The following BAIAP2 variants were observed in gnomAD, a reference collection of about 807,000 sequenced individuals.
BAIAP2 encodes the protein BAR/IMD domain containing adaptor protein 2, also known as BAR/IMD domain-containing adapter protein 2.
A neutral mutation model predicts 63.0 loss-of-function variants in BAIAP2; 18 were observed. The ratio of observed to expected loss-of-function variants is 0.29; its 90% CI spans 0.20 to 0.42. The LOEUF is 0.42. BAIAP2 is among the 10% of genes least tolerant of loss of function. The pLI, the probability that BAIAP2 is intolerant of heterozygous loss-of-function variation, is 1.00. For missense variants in BAIAP2, 610 were observed against 734.3 expected (o/e 0.83, Z 1.96); for synonymous variants, 386 against 307.6 (o/e 1.25, Z -2.67).
chr17:81,092,778 G>A (rs1012877896), intron 6 of BAIAP2, among the ~76,000 whole-genome samples: 7 of 152,170 alleles, frequency 4.6e-5, no homozygotes, highest in African/African-American at 1.4e-4. Flanking sequence ...GCTGACAGAC[G>A]TGCCCGTCTG....
chr17:81,044,485 G>A (rs557829357), intron 1 of BAIAP2, among the ~76,000 whole-genome samples: 3 of 152,212 alleles, frequency 2.0e-5, no homozygotes, highest in Non-Finnish European at 4.4e-5. Flanking sequence ...ATTAGGGCCC[G>A]CCCTAGTGAC....
Position 81,071,647 on chromosome 17 carries a change from T to C in BAIAP2, c.218-13185T>C, listed in dbSNP as rs1360526430. Among the ~76,000 whole-genome samples the C allele has an allele frequency of 2.0e-5, 3 of 152,232 alleles. No individual in the cohort carries two copies. In the East Asian group the frequency reaches 5.8e-4, roughly 29 times the overall value. ...TGTCCACTGGCCAAAAAGAGCACCC[T>C]GACCACTCGGTAGCAGCGCCCGTCC... On this transcript the variant is annotated intron_variant, in intron 3 of 13. Transcript: ENST00000428708.
chr17:81,105,086 C>T lies in BAIAP2; in HGVS notation c.1268+371C>T, dbSNP rs552324365. ...TCTCCCCCCAATGGCTCGGGTCTCC[C>T]CCCAGCGGCAGGGGTCTCCCCCCAG... On this transcript the variant is annotated intron_variant, in intron 10 of 13. Coordinates refer to ENST00000428708, the MANE Select transcript of BAIAP2 (RefSeq NM_001144888.2). 6.8e-4 allele frequency: 126 copies of T among 185,860 alleles called. 1 individual carries two copies. Among genetic ancestry groups the T allele is most frequent in the African/African-American group, 3.1e-3 (121 of 39,076 alleles). The allele number at this position is 185,860 out of a possible 1,614,324, so 11.5% of individuals were successfully genotyped here. A position where few individuals can be genotyped will look rare whatever the true frequency, so the allele number is the denominator to read the frequency against.
At chr17:81,109,179 C>G in intron 13 of BAIAP2, 1 of 1,415,616 alleles carries the variant, frequency 7.1e-7, no homozygotes, top group South Asian at 1.5e-5. Flanking sequence ...TGGTGCTGCT[C>G]CATCCGCCCC....
Position 81,088,904 on chromosome 17 carries a change from C to T in BAIAP2, c.489+2324C>T, listed in dbSNP as rs1002946970. 3.3e-5 allele frequency among the ~76,000 whole-genome samples: 5 copies of T among 152,234 alleles called. No homozygotes were observed. In the South Asian group the frequency reaches 6.2e-4, roughly 19 times the overall value. ...CTGGGGGCTGTCGGAGCCACTCCCC[C>T]TCCCTCCTGCAGGCTGGAGCCAGAG... On this transcript the variant is annotated intron_variant, in intron 6 of 13. Coordinates refer to ENST00000428708, the MANE Select transcript of BAIAP2 (RefSeq NM_001144888.2).
At chr17:81,080,298 C>T (rs1010251319) in intron 3 of BAIAP2, among the ~76,000 whole-genome samples, 4 of 152,234 alleles carry the variant, frequency 2.6e-5, no homozygotes, top group African/African-American at 9.6e-5. Flanking sequence ...TCCATGCCCA[C>T]GTGGTTTCCT....
intron 3 of BAIAP2, among the ~76,000 whole-genome samples, chr17:81,068,008 G>T (rs944330947): frequency 2.6e-4 from 39 of 152,248 alleles, no homozygotes; most frequent in Admixed American, 8.5e-4. Flanking sequence ...CAGGCCGAGG[G>T]GCCTGGGGGC....
At chr17:81,077,162 G>C (rs1463804638) in intron 3 of BAIAP2, among the ~76,000 whole-genome samples, 1 of 152,230 alleles carries the variant, frequency 6.6e-6, no homozygotes, top group Non-Finnish European at 1.5e-5. Context: ...TGGTGGGCGT[G>C]GGTTTCTCTT....
At chr17:81,095,309 C>T (rs2057439734) in intron 6 of BAIAP2, among the ~76,000 whole-genome samples, 1 of 152,174 alleles carries the variant, frequency 6.6e-6, no homozygotes, top group Admixed American at 6.5e-5. Context: ...CTGCACTTTC[C>T]ACACAGCTCG....
intron 7 of BAIAP2, among the ~76,000 whole-genome samples, chr17:81,102,779 C>G (rs1279382301): frequency 6.6e-6 from 1 of 152,202 alleles, no homozygotes; most frequent in Non-Finnish European, 1.5e-5. Flanking sequence ...GTGCCAGAGA[C>G]ATAGCAGTTC....
chr17:81,104,489 C>T (rs901041583), intron 9 of BAIAP2, 25 bp from the exon 10 acceptor site: 26 of 1,573,060 alleles, frequency 1.7e-5, no homozygotes, highest in Non-Finnish European at 2.1e-5. Context: ...GGGGCAGTCC[C>T]CTTACCTGTC....
At chr17:81,096,659 G>A (rs554784077) in intron 6 of BAIAP2, among the ~76,000 whole-genome samples, 1 of 152,368 alleles carries the variant, frequency 6.6e-6, no homozygotes, top group Admixed American at 6.5e-5. Flanking sequence ...TGATCCTGAA[G>A]GTCAGGAAAG....
chr17:81,050,512 C>A (rs1456871641), intron 1 of BAIAP2, among the ~76,000 whole-genome samples: 1 of 152,218 alleles, frequency 6.6e-6, no homozygotes, highest in African/African-American at 2.4e-5. Context: ...GTTTCTCCTG[C>A]TGCTCAGGAT....
At chr17:81,045,474 C>G (rs751806544) in intron 1 of BAIAP2, among the ~76,000 whole-genome samples, 1 of 152,118 alleles carries the variant, frequency 6.6e-6, no homozygotes, top group African/African-American at 2.4e-5. Flanking sequence ...GCGGGTAGGG[C>G]AGGCAGCATG....
At position 81,116,273 on chromosome 17, in the gene BAIAP2, G is replaced by GA; in HGVS notation, c.*435dup. The GA allele has an allele frequency of 6.2e-7, 1 of 1,612,894 alleles. No individual in the cohort carries two copies. The highest frequency in any genetic ancestry group is 8.5e-7 in the Non-Finnish European group (1 of 1,179,942). On this transcript the variant is annotated 3_prime_UTR_variant, in exon 14 of 14. Coordinates refer to ENST00000428708, the MANE Select transcript of BAIAP2 (RefSeq NM_001144888.2). Reference sequence around the variant, plus strand: ...AGGGCCAGAAGGCCGGGAGCACGGGGATGGGAGCGCCCGCACCCTGGCTGG... The same window carrying GA: ...AGGGCCAGAAGGCCGGGAGCACGGGGAATGGGAGCGCCCGCACCCTGGCTGG...
At chr17:81,071,128 G>T (rs370513593) in intron 3 of BAIAP2, among the ~76,000 whole-genome samples, 2 of 150,106 alleles carry the variant, frequency 1.3e-5, no homozygotes, top group Non-Finnish European at 3.0e-5. Flanking sequence ...TTGGTTACCC[G>T]CTGGCCACAT....
At chr17:81,044,263 G>T (rs937415025) in intron 1 of BAIAP2, among the ~76,000 whole-genome samples, 15 of 152,242 alleles carry the variant, frequency 9.9e-5, no homozygotes, top group African/African-American at 3.6e-4. Flanking sequence ...GGGATGGATG[G>T]GGCAGCGGCC....
chr17:81,069,142 C>T (rs575632441), intron 3 of BAIAP2, among the ~76,000 whole-genome samples: 1 of 152,332 alleles, frequency 6.6e-6, no homozygotes, highest in South Asian at 2.1e-4. Context: ...GCATCAACTT[C>T]TGGTAGCTCC....
intron 13 of BAIAP2, chr17:81,109,218 T>C: frequency 2.2e-6 from 3 of 1,388,944 alleles, no homozygotes; most frequent in Non-Finnish European, 2.8e-6. Context: ...CGCCCCATCC[T>C]GTGTGTCCCA....
Sources: gnomAD v4.1 joint callset for allele counts (sites outside exome capture counted in the v4.1 genomes callset) on GRCh38, gnomAD v4.1.1 for gene constraint, MANE v1.5 for transcripts, NCBI Gene and HGNC (gene_info 2026-07-23, HGNC 2026-07-21) for gene names.